The following PYHIN1 variants were observed in gnomAD, a reference collection of about 807,000 sequenced individuals.
PYHIN1 encodes pyrin and HIN domain-containing protein 1.
A neutral mutation model predicts 43.7 loss-of-function variants in PYHIN1; 32 were observed. That is an observed-to-expected ratio of 0.73 (90% confidence interval 0.55 to 0.98). PYHIN1 has a LOEUF of 0.98. Ranked by LOEUF, PYHIN1 falls within the 50% of genes least tolerant of loss-of-function variation. The pLI is 0.00. For synonymous variants in PYHIN1, 205 were observed against 203.1 expected, an observed-to-expected ratio of 1.01 and a Z score of -0.08; for missense variants, 588 against 589.5, an observed-to-expected ratio of 1.00 and a Z score of 0.03.
downstream of PYHIN1, among the ~76,000 whole-genome samples, chr1:158,980,472 C>A (rs375575834): frequency 7.2e-5 from 11 of 152,196 alleles, no homozygotes; most frequent in East Asian, 1.5e-3. Context: ...TTGCTAAATT[C>A]TTTTCCTAGC....
At chr1:158,989,796 C>G in the PYHIN1 span, among the ~76,000 whole-genome samples, 1 of 152,076 alleles carries the variant, frequency 6.6e-6, no homozygotes, top group Non-Finnish European at 1.5e-5. Flanking sequence ...TTACAGCAAC[C>G]CTTTAAAACT....
chr1:158,964,493 G>C (rs984099605), intron 7 of PYHIN1, among the ~76,000 whole-genome samples: 1 of 152,080 alleles, frequency 6.6e-6, no homozygotes, highest in Non-Finnish European at 1.5e-5. Context: ...GCAGGTCACT[G>C]GGAAGGTCAC....
At chr1:158,971,690 T>C (rs962865016) in intron 7 of PYHIN1, among the ~76,000 whole-genome samples, 1 of 152,028 alleles carries the variant, frequency 6.6e-6, no homozygotes, top group Non-Finnish European at 1.5e-5. Flanking sequence ...AAAATGGCTT[T>C]CATCCATTTG....
At chr1:158,980,939 C>T (rs925211299), downstream of PYHIN1, among the ~76,000 whole-genome samples, 3 of 152,122 alleles carry the variant, frequency 2.0e-5, no homozygotes, top group Admixed American at 6.6e-5. Context: ...AGGCGGGCAT[C>T]ATGGTCCTAC....
chr1:158,975,532 A>T (rs773078672), intron 8 of PYHIN1, among the ~76,000 whole-genome samples: 9 of 152,138 alleles, frequency 5.9e-5, no homozygotes, highest in Non-Finnish European at 1.2e-4. Flanking sequence ...CATAGTCTTT[A>T]AATAACAATG....
At chr1:158,937,210 T>C (rs1005465029) in intron 2 of PYHIN1, 35 bp downstream of exon 2, 8 of 1,535,562 alleles carry the variant, frequency 5.2e-6, no homozygotes, top group Admixed American at 2.1e-5. Flanking sequence ...CTCCCTGCAA[T>C]GATCCCCACC....
intron 7 of PYHIN1, among the ~76,000 whole-genome samples, chr1:158,949,925 C>T (rs1400089341): frequency 6.6e-6 from 1 of 152,188 alleles, no homozygotes; most frequent in East Asian, 1.9e-4. Context: ...CATGATGTAG[C>T]CACAATTGGG....
At chr1:158,974,864 C>G (rs999151702) in intron 8 of PYHIN1, among the ~76,000 whole-genome samples, 1 of 151,950 alleles carries the variant, frequency 6.6e-6, no homozygotes, top group Non-Finnish European at 1.5e-5. Flanking sequence ...CAGCTCAGAC[C>G]CACTTTTCTG....
rs369613115 is a variant in PYHIN1 at position 158,937,175 on chromosome 1, G to T, written c.265G>T (p.Val89Phe). Residue 89 changes from valine (V) to phenylalanine (F), a missense_variant and splice_region_variant, in exon 2 of 9, where the codon GTT becomes TTT. Coordinates refer to ENST00000368140, the MANE Select transcript of PYHIN1 (RefSeq NM_152501.5). ...AETLKREKLK[V>F]ANKIESIPVK... is the part of the protein sequence containing the mutation. Reference sequence around the variant, plus strand: ...AACTCTTAAAAGAGAAAAGTTAAAAGGTAATTGGGAAGAGGGAACACCCAC... The same window carrying T: ...AACTCTTAAAAGAGAAAAGTTAAAATGTAATTGGGAAGAGGGAACACCCAC... 4.5e-6 allele frequency: 7 copies of T among 1,571,784 alleles called. No homozygotes were observed. Among genetic ancestry groups the T allele is most frequent in the South Asian group, 1.2e-5 (1 of 81,938 alleles).
chr1:158,934,321 A>T (rs1648374357), intron 1 of PYHIN1, among the ~76,000 whole-genome samples: 1 of 152,202 alleles, frequency 6.6e-6, no homozygotes, highest in African/African-American at 2.4e-5. Context: ...TTGCAAATAA[A>T]TCGTGTTGTC....
intron 7 of PYHIN1, among the ~76,000 whole-genome samples, chr1:158,953,505 C>T (rs1400992472): frequency 2.7e-5 from 4 of 150,724 alleles, no homozygotes; most frequent in South Asian, 2.1e-4. Flanking sequence ...ACACCTCACA[C>T]GGCAGGGTAC....
the PYHIN1 span, among the ~76,000 whole-genome samples, chr1:158,986,383 C>G: frequency 6.6e-6 from 1 of 152,176 alleles, no homozygotes; most frequent in Admixed American, 6.5e-5. Flanking sequence ...AGGATCAGCT[C>G]AGCACTGTTA....
the PYHIN1 span, among the ~76,000 whole-genome samples, chr1:158,983,594 A>G: frequency 6.6e-6 from 1 of 151,658 alleles, no homozygotes; most frequent in East Asian, 1.9e-4. Flanking sequence ...TATTGTCCTG[A>G]ATTTGTTTTT....
intron 7 of PYHIN1, among the ~76,000 whole-genome samples, chr1:158,967,035 T>C (rs1196797282): frequency 6.6e-6 from 1 of 152,108 alleles, no homozygotes; most frequent in Non-Finnish European, 1.5e-5. Context: ...AAAATCAATA[T>C]ACAAAAATCA....
At position 158,951,815 on chromosome 1, in the gene PYHIN1, G is replaced by C. The variant is rs530055351; in HGVS notation, c.1359+6773G>C. Among the ~76,000 whole-genome samples the C allele has an allele frequency of 3.3e-3, 495 of 152,270 alleles. 2 individuals carry two copies. The highest frequency in any genetic ancestry group is 3.4e-3 in the Middle Eastern group (1 of 294). On this transcript the variant is annotated intron_variant, in intron 7 of 8. Transcript: ENST00000368140. Reference sequence around the variant, plus strand: ...TAATTGCTCCTTAACTAACTCATGGGCCTTTTGTGATTTTTCTCCCTTTAG... The same window carrying C: ...TAATTGCTCCTTAACTAACTCATGGCCCTTTTGTGATTTTTCTCCCTTTAG...
At chr1:158,980,780 C>G (rs900719743), downstream of PYHIN1, among the ~76,000 whole-genome samples, 1 of 152,108 alleles carries the variant, frequency 6.6e-6, no homozygotes, top group African/African-American at 2.4e-5. Flanking sequence ...CCCTTTGTCC[C>G]GTTCCCTCAG....
intron 7 of PYHIN1, among the ~76,000 whole-genome samples, chr1:158,962,112 G>A (rs889458788): frequency 6.6e-6 from 1 of 152,136 alleles, no homozygotes; most frequent in African/African-American, 2.4e-5. Context: ...GCCCTGGAGA[G>A]TGTGTGGTGA....
intron 7 of PYHIN1, among the ~76,000 whole-genome samples, chr1:158,947,024 A>T (rs1649261187): frequency 6.6e-6 from 1 of 152,178 alleles, no homozygotes; most frequent in African/African-American, 2.4e-5. Context: ...AGTTATGCCC[A>T]AAAACCACAT....
At chr1:158,949,617 G>A (rs1649421906) in intron 7 of PYHIN1, among the ~76,000 whole-genome samples, 2 of 143,862 alleles carry the variant, frequency 1.4e-5, no homozygotes, top group South Asian at 2.2e-4. Context: ...CCACCTATGA[G>A]TGAGAATATG....
Sources: gnomAD v4.1 joint callset for allele counts (sites outside exome capture counted in the v4.1 genomes callset) on GRCh38, gnomAD v4.1.1 for gene constraint, MANE v1.5 for transcripts, NCBI Gene and HGNC (gene_info 2026-07-23, HGNC 2026-07-21) for gene names.